The following AXDND1 variants were observed in gnomAD, a reference collection of about 807,000 sequenced individuals.
AXDND1 encodes axonemal dynein light chain domain-containing protein 1.
In AXDND1, 110 loss-of-function variants were observed where a neutral mutation model predicts 137.5. The ratio of observed to expected loss-of-function variants is 0.80; its 90% CI spans 0.69 to 0.94. The LOEUF is 0.94. AXDND1 is among the 40% of genes least tolerant of loss of function. The pLI is 0.00. For missense variants in AXDND1, 1,191 were observed against 1,169.8 expected (o/e 1.02, Z -0.26); for synonymous variants, 414 against 399.7 (o/e 1.04, Z -0.43).
intron 16 of AXDND1, among the ~76,000 whole-genome samples, chr1:179,462,251 A>G (rs4652391): frequency 0.31 from 47,154 of 152,116 alleles, 7,519 homozygotes; most frequent in Non-Finnish European, 0.33. Flanking sequence ...AGTTTTTAAC[A>G]TGAAGGGCTG....
intron 25 of AXDND1, chr1:179,544,472 G>A (rs1276444333): frequency 1.3e-5 from 2 of 151,994 alleles, no homozygotes; most frequent in African/African-American, 4.8e-5. Context: ...TGAAGAATTC[G>A]AGACCAGACT....
At chr1:179,444,183 GC>G (rs1392593618) in intron 15 of AXDND1, among the ~76,000 whole-genome samples, 1 of 152,024 alleles carries the variant, frequency 6.6e-6, no homozygotes, top group Non-Finnish European at 1.5e-5. Context: ...TGTGTGAGGA[GC>G]TGAAAATGTG....
chr1:179,374,766 ATTGAACAAT>A (rs528590704), intron 4 of AXDND1, among the ~76,000 whole-genome samples: 28 of 143,190 alleles, frequency 2.0e-4, no homozygotes, highest in African/African-American at 7.1e-4. Context: ...ATAGGTGGGA[ATTGAACAAT>A]GAGAACACCT....
intron 11 of AXDND1, among the ~76,000 whole-genome samples, chr1:179,401,838 G>A (rs12742172): frequency 0.31 from 46,836 of 151,848 alleles, 7,462 homozygotes; most frequent in Non-Finnish European, 0.34. Flanking sequence ...CCCCAGCCAC[G>A]TGGAACTGTG....
chr1:179,551,569 AG>A, intron 25 of AXDND1: 1 of 1,136,336 alleles, frequency 8.8e-7, no homozygotes, highest in Admixed American at 1.9e-5. Flanking sequence ...AGCACGGTTA[AG>A]CATAGAACAT....
At chr1:179,552,731 G>T (rs1312439413) in intron 25 of AXDND1, 2 of 1,427,174 alleles carry the variant, frequency 1.4e-6, no homozygotes, top group East Asian at 2.3e-5. Flanking sequence ...TGATTTAGGG[G>T]CCAAAGCTTT....
At position 179,385,313 on chromosome 1, in the gene AXDND1, G is replaced by T. The variant is rs374786188; in HGVS notation, c.817G>T (p.Val273Phe). The change falls in exon 9 of 26, where the codon GTC (valine) becomes TTC (phenylalanine). Residue 273 changes from valine (V) to phenylalanine (F), a missense_variant. Transcript: ENST00000367618. Reference sequence around the variant, plus strand: ...GATATTTCATGAACTTATTCGACAAGTCAGTGTGGACTGTGCAGACAGAGG... The same window carrying T: ...GATATTTCATGAACTTATTCGACAATTCAGTGTGGACTGTGCAGACAGAGG... ...NMIFHELIRQ[V>F]SVDCADRGEL... 1.2e-5 allele frequency: 19 copies of T among 1,613,824 alleles called. No individual in the cohort carries two copies. The highest frequency in any genetic ancestry group is 2.7e-5 in the African/African-American group (2 of 74,914).
intron 11 of AXDND1, among the ~76,000 whole-genome samples, chr1:179,400,600 TA>T (rs71111986): frequency 8.8e-4 from 122 of 138,284 alleles, no homozygotes; most frequent in African/African-American, 2.4e-3. Context: ...AGGGAAGAAA[TA>T]AAAAAAAAAA....
At chr1:179,448,042 A>T in intron 16 of AXDND1, 1 of 1,311,936 alleles carries the variant, frequency 7.6e-7, no homozygotes, top group Non-Finnish European at 1.1e-6. Flanking sequence ...AGACATTGAA[A>T]AATTCTGAGG....
At chr1:179,383,894 G>A (rs1025200007) in intron 8 of AXDND1, among the ~76,000 whole-genome samples, 1 of 151,906 alleles carries the variant, frequency 6.6e-6, no homozygotes, top group Admixed American at 6.6e-5. Flanking sequence ...AACACTGCCA[G>A]GTATATTTTT....
intron 3 of AXDND1, 58 bp downstream of exon 3, chr1:179,369,030 T>C: frequency 6.9e-7 from 1 of 1,455,596 alleles, no homozygotes; most frequent in East Asian, 2.3e-5. Flanking sequence ...ATCTGATTAT[T>C]CTTTAAGTAT....
chr1:179,445,476 GA>G (rs1315948378), intron 16 of AXDND1, among the ~76,000 whole-genome samples: 3 of 151,900 alleles, frequency 2.0e-5, no homozygotes, highest in African/African-American at 7.3e-5. Context: ...TCATCAAAAT[GA>G]ACCTCAAAAG....
At chr1:179,496,806 T>A (rs1221897320) in intron 20 of AXDND1, among the ~76,000 whole-genome samples, 1 of 152,072 alleles carries the variant, frequency 6.6e-6, no homozygotes, top group Non-Finnish European at 1.5e-5. Flanking sequence ...ATTTGAGACC[T>A]TTTTACCTCC....
chr1:179,427,137 C>G (rs1656689685), intron 12 of AXDND1, among the ~76,000 whole-genome samples: 1 of 151,964 alleles, frequency 6.6e-6, no homozygotes. Flanking sequence ...GCACTCCAGC[C>G]TGGGCCATAG....
chr1:179,450,675 C>G (rs1033689086), intron 16 of AXDND1: 1 of 152,136 alleles, frequency 6.6e-6, no homozygotes, highest in Non-Finnish European at 1.5e-5. Flanking sequence ...AGGATCAATC[C>G]TACTTCGGGC....
chr1:179,455,593 C>CA (rs57868830), intron 16 of AXDND1: 31,086 of 83,214 alleles, frequency 0.37, 5,464 homozygotes, highest in Middle Eastern at 0.47. Context: ...GACTCCGTCT[C>CA]AAAAAAAAAA....
At position 179,389,109 on chromosome 1, in the gene AXDND1, G is replaced by A. The variant is rs188012510; in HGVS notation, c.863+3750G>A. Among the ~76,000 whole-genome samples the A allele has an allele frequency of 3.5e-3, 534 of 151,454 alleles. 4 individuals are homozygous for A. Among genetic ancestry groups the A allele is most frequent in the African/African-American group, 0.012 (507 of 41,254 alleles). Reference sequence around the variant, plus strand: ...CCGCCTCAGCCTCCTGAGTAGCTGGGATTACAGGCATGCGCCACCATGCCT... The same window carrying A: ...CCGCCTCAGCCTCCTGAGTAGCTGGAATTACAGGCATGCGCCACCATGCCT... On this transcript the variant is annotated intron_variant, in intron 9 of 25. Transcript: ENST00000367618.
At chr1:179,440,035 A>G (rs549278869) in intron 15 of AXDND1, among the ~76,000 whole-genome samples, 8 of 152,286 alleles carry the variant, frequency 5.3e-5, no homozygotes, top group Admixed American at 4.6e-4. Flanking sequence ...TTTCTGCTGG[A>G]GTCTTATCAT....
chr1:179,422,183 T>A (rs1475864444), intron 12 of AXDND1, among the ~76,000 whole-genome samples: 1 of 152,210 alleles, frequency 6.6e-6, no homozygotes, highest in South Asian at 2.1e-4. Context: ...CTTGCTTTTC[T>A]AGTTCCTTGA....
Sources: allele counts gnomAD v4.1 joint callset (sites outside exome capture counted in the v4.1 genomes callset), GRCh38; gene constraint gnomAD v4.1.1; transcripts MANE v1.5; gene names NCBI Gene and HGNC (gene_info 2026-07-23, HGNC 2026-07-21).